The following LRFN5 variants were observed in gnomAD, a reference collection of about 807,000 sequenced individuals.
LRFN5 encodes leucine rich repeat and fibronectin type III domain containing 5, also known as leucine-rich repeat and fibronectin type-III domain-containing protein 5.
In LRFN5, 24 loss-of-function variants were observed where a neutral mutation model predicts 45.6. The ratio of observed to expected loss-of-function variants is 0.53; its 90% CI spans 0.38 to 0.74. The LOEUF (loss-of-function observed/expected upper bound fraction) is 0.74. Among genes scored for constraint, LRFN5 ranks in the 30% least tolerant of loss-of-function variants. The probability of loss-of-function intolerance (pLI) is 0.00; values close to 1 mark genes in which losing one functional copy is unlikely to be tolerated. For missense variants in LRFN5, 776 were observed against 861.5 expected, an observed-to-expected ratio of 0.90 and a Z score of 1.24; for synonymous variants, 340 against 313.8, an observed-to-expected ratio of 1.08 and a Z score of -0.88.
At chr14:41,667,054 C>A (rs922283650) in intron 1 of LRFN5, among the ~76,000 whole-genome samples, 9 of 152,010 alleles carry the variant, frequency 5.9e-5, no homozygotes, top group African/African-American at 1.9e-4. Context: ...TTTATTTTAA[C>A]AATTAGAGCA....
At chr14:41,903,246 A>G (rs1374092987) in intron 5 of LRFN5, among the ~76,000 whole-genome samples, 3 of 151,390 alleles carry the variant, frequency 2.0e-5, no homozygotes, top group African/African-American at 7.2e-5. Context: ...TAATAACTTT[A>G]TCACATAAAA....
chr14:41,693,986 G>C (rs1490134451), intron 1 of LRFN5, among the ~76,000 whole-genome samples: 2 of 151,758 alleles, frequency 1.3e-5, no homozygotes, highest in Non-Finnish European at 2.9e-5. Flanking sequence ...TTTGAGTCTT[G>C]ATTTTGGCAA....
At chr14:41,819,087 C>T (rs1888022572) in intron 2 of LRFN5, among the ~76,000 whole-genome samples, 1 of 152,076 alleles carries the variant, frequency 6.6e-6, no homozygotes, top group African/African-American at 2.4e-5. Context: ...TTTGTATATC[C>T]ATATAGTATT....
At chr14:41,675,137 G>A (rs929363740) in intron 1 of LRFN5, among the ~76,000 whole-genome samples, 3 of 149,182 alleles carry the variant, frequency 2.0e-5, no homozygotes, top group African/African-American at 7.4e-5. Flanking sequence ...CCAGGCAGAG[G>A]GGCTCCTCAC....
At chr14:41,675,169 G>A (rs1367806090) in intron 1 of LRFN5, among the ~76,000 whole-genome samples, 1 of 152,168 alleles carries the variant, frequency 6.6e-6, no homozygotes, top group Non-Finnish European at 1.5e-5. Flanking sequence ...TGGGCAGCCA[G>A]GCAGAGACGC....
At chr14:41,896,685 C>T (rs1006991167) in intron 4 of LRFN5, among the ~76,000 whole-genome samples, 3 of 152,080 alleles carry the variant, frequency 2.0e-5, no homozygotes, top group Non-Finnish European at 2.9e-5. Flanking sequence ...GATAAATATA[C>T]GCTGGGATTA....
intron 1 of LRFN5, among the ~76,000 whole-genome samples, chr14:41,679,845 C>T (rs2138682578): frequency 6.6e-6 from 1 of 152,262 alleles, no homozygotes; most frequent in East Asian, 1.9e-4. Flanking sequence ...TCTTGGATGG[C>T]ATTTTTGGAC....
rs557750406 is a variant in LRFN5 at position 41,815,096 on chromosome 14, A to G, written c.-21+48067A>G. Among the ~76,000 whole-genome samples, 168 of 152,136 alleles carry G rather than the reference A, an allele frequency of 1.1e-3. 2 individuals carry two copies. The South Asian group carries it at 0.034, about 30-fold the overall frequency. On this transcript the variant is annotated intron_variant, in intron 2 of 5. Coordinates refer to ENST00000298119, the MANE Select transcript of LRFN5 (RefSeq NM_152447.5). ...GTTGAGTTCAACTAGGTCCTTACTG[A>G]TTTTCTGCCTTCTGGATCTGTTTAT...
intron 1 of LRFN5, among the ~76,000 whole-genome samples, chr14:41,735,607 T>C (rs1272105699): frequency 6.6e-6 from 1 of 152,174 alleles, no homozygotes; most frequent in Non-Finnish European, 1.5e-5. Context: ...GTTTTACTAA[T>C]TTTTATTATT....
At chr14:41,663,402 C>T (rs1880746906) in intron 1 of LRFN5, among the ~76,000 whole-genome samples, 1 of 152,002 alleles carries the variant, frequency 6.6e-6, no homozygotes, top group South Asian at 2.1e-4. Flanking sequence ...TAGAAAGAGC[C>T]TCACAGGACT....
At chr14:41,757,492 A>G (rs1186781170) in intron 1 of LRFN5, among the ~76,000 whole-genome samples, 1 of 152,152 alleles carries the variant, frequency 6.6e-6, no homozygotes, top group Admixed American at 6.5e-5. Flanking sequence ...GCCGCCTTGC[A>G]GTTTGATCTC....
At chr14:41,892,108 G>T in intron 4 of LRFN5, 146 bp downstream of exon 4, 1 of 1,437,774 alleles carries the variant, frequency 7.0e-7, no homozygotes, top group Non-Finnish European at 9.1e-7. Flanking sequence ...TGAATGTGAT[G>T]TTTATTCAGT....
chr14:41,767,193 G>A (rs904570708), intron 2 of LRFN5, among the ~76,000 whole-genome samples, 164 bp downstream of exon 2: 33 of 151,526 alleles, frequency 2.2e-4, no homozygotes, highest in Middle Eastern at 3.4e-3. Flanking sequence ...ATATTTTTTG[G>A]AGATTCAATG....
chr14:41,690,815 A>G (rs1269788721), intron 1 of LRFN5, among the ~76,000 whole-genome samples: 1 of 152,030 alleles, frequency 6.6e-6, no homozygotes, highest in Admixed American at 6.6e-5. Context: ...TAAATAAAAG[A>G]CATTCAGATT....
intron 1 of LRFN5, among the ~76,000 whole-genome samples, chr14:41,627,387 T>TA (rs1348762654): frequency 6.6e-6 from 1 of 152,130 alleles, no homozygotes; most frequent in African/African-American, 2.4e-5. Context: ...TGAAACTTTA[T>TA]AAAAAATTCA....
intron 1 of LRFN5, among the ~76,000 whole-genome samples, chr14:41,732,909 ATATCT>A (rs965859141): frequency 4.0e-5 from 6 of 151,294 alleles, no homozygotes; most frequent in African/African-American, 9.7e-5. Flanking sequence ...GAAACAAAAA[ATATCT>A]TATAGCTAAA....
At chr14:41,806,747 A>T (rs887765464) in intron 2 of LRFN5, among the ~76,000 whole-genome samples, 3 of 152,150 alleles carry the variant, frequency 2.0e-5, no homozygotes, top group African/African-American at 4.8e-5. Flanking sequence ...CTCCACACAC[A>T]AACAGGAAGT....
At chr14:41,880,044 C>A (rs1890323083) in intron 2 of LRFN5, among the ~76,000 whole-genome samples, 1 of 149,394 alleles carries the variant, frequency 6.7e-6, no homozygotes, top group Non-Finnish European at 1.5e-5. Context: ...TCTCCTGCCT[C>A]AGCATCCCCA....
intron 2 of LRFN5, among the ~76,000 whole-genome samples, chr14:41,884,368 A>T (rs767761722): frequency 4.6e-5 from 7 of 152,198 alleles, no homozygotes; most frequent in Non-Finnish European, 7.3e-5. Flanking sequence ...AGAAGATTCT[A>T]TCTTTATTTG....
Sources: gnomAD v4.1 joint callset for allele counts (sites outside exome capture counted in the v4.1 genomes callset) on GRCh38, gnomAD v4.1.1 for gene constraint, MANE v1.5 for transcripts, NCBI Gene and HGNC (gene_info 2026-07-23, HGNC 2026-07-21) for gene names.